Variants in TENM2 observed in about 807,000 individuals in gnomAD.
The protein encoded by TENM2 is teneurin-2.
A neutral mutation model predicts 245.2 loss-of-function variants in TENM2; 52 were observed. The ratio of observed to expected loss-of-function variants is 0.21; its 90% CI spans 0.17 to 0.27. The LOEUF (loss-of-function observed/expected upper bound fraction) is 0.27, where lower values mean the gene tolerates loss of function less well. Ranked by LOEUF, TENM2 falls within the 10% of genes least tolerant of loss-of-function variation. TENM2 has a pLI of 1.00. For missense variants in TENM2, 3,046 were observed against 3,666.8 expected (o/e 0.83, Z 4.37); for synonymous variants, 1,363 against 1,438.9 (o/e 0.95, Z 1.19).
At chr5:167,479,717 G>A (rs1767636101) in intron 2 of TENM2, among the ~76,000 whole-genome samples, 1 of 152,180 alleles carries the variant, frequency 6.6e-6, no homozygotes, top group East Asian at 1.9e-4. Flanking sequence ...TCTGCATTGT[G>A]GTAGCATATT....
At chr5:168,193,227 G>C (rs1761107221) in intron 14 of TENM2, among the ~76,000 whole-genome samples, 1 of 152,194 alleles carries the variant, frequency 6.6e-6, no homozygotes, top group Non-Finnish European at 1.5e-5. Context: ...CCAAGACATA[G>C]GTTGAAGTTC....
intron 2 of TENM2, among the ~76,000 whole-genome samples, chr5:167,607,838 C>G (rs1582527077): frequency 2.6e-5 from 4 of 152,266 alleles, no homozygotes; most frequent in East Asian, 3.9e-4. Flanking sequence ...AATAATGAGG[C>G]CTCAAAGAAT....
chr5:167,291,883 A>C (rs1270453422), intron 1 of TENM2, among the ~76,000 whole-genome samples: 1 of 152,192 alleles, frequency 6.6e-6, no homozygotes, highest in Non-Finnish European at 1.5e-5. Flanking sequence ...TCACACTGCT[A>C]ATAAAGACAT....
At chr5:167,734,693 T>C (rs940135073) in intron 2 of TENM2, among the ~76,000 whole-genome samples, 6 of 152,090 alleles carry the variant, frequency 3.9e-5, no homozygotes, top group East Asian at 1.9e-4. Context: ...TAAAGTGGGA[T>C]GATTAGCATA....
chr5:167,887,348 G>A (rs1194757735), intron 3 of TENM2, among the ~76,000 whole-genome samples: 2 of 152,212 alleles, frequency 1.3e-5, no homozygotes, highest in Non-Finnish European at 2.9e-5. Context: ...ACGCTCAAGA[G>A]CTAGATCCTT....
At chr5:168,223,310 C>A (rs1450750419) in intron 23 of TENM2, among the ~76,000 whole-genome samples, 1 of 152,132 alleles carries the variant, frequency 6.6e-6, no homozygotes, top group Non-Finnish European at 1.5e-5. Context: ...TTGCCCTGGT[C>A]CCAGAGAATG....
chr5:167,457,368 T>C (rs1408797238), intron 2 of TENM2, among the ~76,000 whole-genome samples: 3 of 151,102 alleles, frequency 2.0e-5, no homozygotes, highest in Non-Finnish European at 4.4e-5. Context: ...GTTTCGCTCT[T>C]GTTGCCCAGG....
At chr5:167,360,894 A>G (rs942151719) in intron 1 of TENM2, among the ~76,000 whole-genome samples, 1 of 152,164 alleles carries the variant, frequency 6.6e-6, no homozygotes, top group African/African-American at 2.4e-5. Context: ...ACTCGCTTCT[A>G]CAATATTCTT....
chr5:167,194,650 T>G, the TENM2 span, among the ~76,000 whole-genome samples: 1 of 151,976 alleles, frequency 6.6e-6, no homozygotes, highest in Non-Finnish European at 1.5e-5. Flanking sequence ...GGTGCAGTTT[T>G]GAAGGTCACA....
intron 2 of TENM2, among the ~76,000 whole-genome samples, chr5:167,483,778 A>G (rs1324895867): frequency 6.6e-6 from 1 of 152,182 alleles, no homozygotes; most frequent in African/African-American, 2.4e-5. Flanking sequence ...TAAGCCAAAA[A>G]TTTAAGAAGT....
At chr5:167,449,050 TAAAA>T (rs34656951) in intron 2 of TENM2, among the ~76,000 whole-genome samples, 2 of 146,736 alleles carry the variant, frequency 1.4e-5, no homozygotes, top group African/African-American at 5.0e-5. Context: ...ATGTTGACAG[TAAAA>T]AAAAAAAATT....
the TENM2 span, among the ~76,000 whole-genome samples, chr5:167,088,172 AATT>A: frequency 6.6e-6 from 1 of 152,178 alleles, no homozygotes; most frequent in Admixed American, 6.5e-5. Context: ...ACCAAGCTGT[AATT>A]ATTAAAATTA....
At chr5:168,209,990 T>G (rs1762663866) in intron 19 of TENM2, among the ~76,000 whole-genome samples, 1 of 152,176 alleles carries the variant, frequency 6.6e-6, no homozygotes, top group East Asian at 1.9e-4. Context: ...GAAGAAGAGC[T>G]AATCCATCTC....
At chr5:167,032,232 A>G in the TENM2 span, among the ~76,000 whole-genome samples, 32 of 152,346 alleles carry the variant, frequency 2.1e-4, no homozygotes, top group African/African-American at 7.5e-4. Flanking sequence ...ATTTGCATGC[A>G]TGTAATTAAA....
chr5:167,185,230 A>G, the TENM2 span, among the ~76,000 whole-genome samples: 1 of 152,198 alleles, frequency 6.6e-6, no homozygotes, highest in African/African-American at 2.4e-5. Flanking sequence ...GAGAAGGGCC[A>G]TAATTAGGGC....
chr5:167,316,906 C>G (rs1297329697), intron 1 of TENM2, among the ~76,000 whole-genome samples: 4 of 152,110 alleles, frequency 2.6e-5, no homozygotes, highest in African/African-American at 9.7e-5. Context: ...TAATTATGCT[C>G]TTCTAAGACT....
At chr5:167,503,529 T>TC (rs397704429) in intron 2 of TENM2, among the ~76,000 whole-genome samples, 4 of 150,850 alleles carry the variant, frequency 2.7e-5, no homozygotes, top group Non-Finnish European at 5.9e-5. Context: ...TTTTTTTTTT[T>TC]GGTGGTTGGA....
intron 2 of TENM2, among the ~76,000 whole-genome samples, chr5:167,564,851 T>C (rs368496201): frequency 1.3e-5 from 2 of 152,358 alleles, no homozygotes; most frequent in East Asian, 1.9e-4. Context: ...TTGTGCCTTT[T>C]CTTGCATCAT....
intron 2 of TENM2, among the ~76,000 whole-genome samples, chr5:167,723,355 T>C (rs1759766415): frequency 6.6e-6 from 1 of 152,162 alleles, no homozygotes. Flanking sequence ...GCTTTTTCTG[T>C]TTCTGGAATG....
Sources: allele counts gnomAD v4.1 joint callset (sites outside exome capture counted in the v4.1 genomes callset), GRCh38; gene constraint gnomAD v4.1.1; transcripts MANE v1.5; gene names NCBI Gene and HGNC (gene_info 2026-07-23, HGNC 2026-07-21).